The following CCDC62 variants were observed in gnomAD, a reference collection of about 807,000 sequenced individuals.
The protein encoded by CCDC62 is coiled-coil domain containing 62.
CCDC62 carries 72 observed loss-of-function variants against 80.8 expected under a neutral mutation model. That is an observed-to-expected ratio of 0.89 (90% CI 0.74 to 1.08). CCDC62 has a LOEUF of 1.08. Among genes scored for constraint, CCDC62 ranks in the 50% least tolerant of loss-of-function variants. The pLI is 0.00. For missense variants in CCDC62, 704 were observed against 809.4 expected (o/e 0.87, Z 1.58); for synonymous variants, 286 against 296.5 (o/e 0.96, Z 0.36).
At chr12:122,822,319 T>C (rs1267753108) in intron 11 of CCDC62, among the ~76,000 whole-genome samples, 1 of 151,906 alleles carries the variant, frequency 6.6e-6, no homozygotes, top group Admixed American at 6.6e-5. Context: ...TTGGCCAGGA[T>C]GGTCTCGAGC....
At chr12:122,798,574 G>A (rs898702236) in intron 8 of CCDC62, among the ~76,000 whole-genome samples, 1 of 152,136 alleles carries the variant, frequency 6.6e-6, no homozygotes, top group Non-Finnish European at 1.5e-5. Flanking sequence ...CTGCACTCCA[G>A]CCTGGTAACA....
intron 10 of CCDC62, 52 bp from the exon 11 acceptor site, chr12:122,813,218 C>A (rs550156986): frequency 6.6e-6 from 10 of 1,513,836 alleles, no homozygotes; most frequent in Non-Finnish European, 8.0e-6. Flanking sequence ...AGGTAGTTAG[C>A]ATTTGTGTTT....
At chr12:122,806,664 G>A (rs763081349) in intron 10 of CCDC62, among the ~76,000 whole-genome samples, 5 of 151,640 alleles carry the variant, frequency 3.3e-5, no homozygotes, top group Admixed American at 6.6e-5. Context: ...TTTTTTTGTA[G>A]AGACAGGGTC....
intron 8 of CCDC62, among the ~76,000 whole-genome samples, chr12:122,799,829 C>T (rs888537341): frequency 2.6e-5 from 4 of 152,168 alleles, no homozygotes; most frequent in African/African-American, 9.7e-5. Flanking sequence ...TGGCGTGTGG[C>T]TGGGGCCGCC....
chr12:122,790,706 C>T (rs1290460123), intron 5 of CCDC62, among the ~76,000 whole-genome samples: 1 of 152,052 alleles, frequency 6.6e-6, no homozygotes, highest in Non-Finnish European at 1.5e-5. Flanking sequence ...AATCTCCAGC[C>T]CTCCCTCCCC....
intron 11 of CCDC62, among the ~76,000 whole-genome samples, chr12:122,814,720 C>G (rs1486321182): frequency 2.6e-5 from 4 of 152,076 alleles, no homozygotes; most frequent in Non-Finnish European, 5.9e-5. Flanking sequence ...GTTGACCAGG[C>G]TGGTCTCGAA....
At chr12:122,815,641 C>G (rs1247650541) in intron 11 of CCDC62, among the ~76,000 whole-genome samples, 6 of 151,718 alleles carry the variant, frequency 4.0e-5, no homozygotes, top group South Asian at 2.1e-4. Flanking sequence ...TAGAGACGGG[C>G]TTTCACCGTG....
At chr12:122,784,357 C>T (rs1456111223) in intron 3 of CCDC62, among the ~76,000 whole-genome samples, 2 of 152,044 alleles carry the variant, frequency 1.3e-5, no homozygotes, top group Non-Finnish European at 2.9e-5. Flanking sequence ...CCCATCTCTA[C>T]TAAAAATACA....
intron 2 of CCDC62, among the ~76,000 whole-genome samples, chr12:122,778,857 C>T (rs775050742): frequency 6.6e-6 from 1 of 151,890 alleles, no homozygotes; most frequent in Non-Finnish European, 1.5e-5. Flanking sequence ...CCATCCTGGG[C>T]GACAGAGCGA....
chr12:122,804,481 G>A (rs1013795792), intron 9 of CCDC62, among the ~76,000 whole-genome samples: 2 of 151,658 alleles, frequency 1.3e-5, no homozygotes, highest in African/African-American at 2.4e-5. Context: ...AATGGGACTC[G>A]GTCTCAAAAA....
chr12:122,802,735 G>A (rs1365452042), intron 9 of CCDC62, among the ~76,000 whole-genome samples: 1 of 151,358 alleles, frequency 6.6e-6, no homozygotes, highest in East Asian at 2.0e-4. Flanking sequence ...TTAAAAAATT[G>A]TTTTTAAGTT....
intron 11 of CCDC62, among the ~76,000 whole-genome samples, chr12:122,818,198 A>G (rs1235032875): frequency 6.6e-6 from 1 of 152,034 alleles, no homozygotes; most frequent in Admixed American, 6.6e-5. Context: ...CACGCCTGTA[A>G]TCCCAGCACT....
At chr12:122,801,020 G>A (rs2031269163) in intron 8 of CCDC62, 104 bp from the exon 9 acceptor site, 17 of 1,228,188 alleles carry the variant, frequency 1.4e-5, no homozygotes, top group South Asian at 3.1e-5. Context: ...TCAGACAAAC[G>A]AGTCTCATTG....
At chr12:122,785,901 G>A (rs2030190079) in intron 4 of CCDC62, 81 bp downstream of exon 4, 30 of 932,854 alleles carry the variant, frequency 3.2e-5, no homozygotes, top group Non-Finnish European at 5.2e-5. Flanking sequence ...TAAGTCGCTA[G>A]GATCCCAGAA....
chr12:122,795,136 C>T (rs1038145857), intron 6 of CCDC62, among the ~76,000 whole-genome samples: 6 of 151,338 alleles, frequency 4.0e-5, no homozygotes, highest in South Asian at 4.2e-4. Flanking sequence ...CTTCAACTTC[C>T]GCCTCCTGGG....
chr12:122,781,303 TTCTTC>T lies in CCDC62; in HGVS notation c.378_382del (p.Leu127Ter), dbSNP rs1163618772. The T allele has an allele frequency of 6.2e-7, 1 of 1,614,042 alleles. No homozygotes were observed. Among genetic ancestry groups the T allele is most frequent in the East Asian group, 2.2e-5 (1 of 44,882 alleles). On this transcript the variant is annotated frameshift_variant, in exon 3 of 13. Coordinates refer to ENST00000253079, the MANE Select transcript of CCDC62 (RefSeq NM_201435.5). LOFTEE classifies it high-confidence loss of function. The stretch of plus-strand genomic sequence containing the variant: ...AGGAAATGGCTCAAAAGGCAACGCA[TTCTTC>T]TCTTCTCTCTGAAGACCTTGAGGTT...
chr12:122,822,574 ATTTTTTT>A (rs71085861), intron 11 of CCDC62, among the ~76,000 whole-genome samples: 1 of 117,780 alleles, frequency 8.5e-6, no homozygotes, highest in African/African-American at 3.6e-5. Flanking sequence ...TGAGTTCCAC[ATTTTTTT>A]TTTTTTTTTT....
chr12:122,825,711 C>A (rs1226624337), intron 12 of CCDC62, among the ~76,000 whole-genome samples: 1 of 149,592 alleles, frequency 6.7e-6, no homozygotes, highest in Non-Finnish European at 1.5e-5. Context: ...GGTAGCTGGG[C>A]GCGGTGGCTC....
intron 11 of CCDC62, 57 bp downstream of exon 11, chr12:122,813,476 A>G (rs574392866): frequency 1.3e-6 from 2 of 1,498,194 alleles, no homozygotes; most frequent in South Asian, 1.2e-5. Flanking sequence ...ACCACTGAAC[A>G]CCAGTGTGCA....
Sources: gnomAD v4.1 joint callset for allele counts (sites outside exome capture counted in the v4.1 genomes callset) on GRCh38, gnomAD v4.1.1 for gene constraint, MANE v1.5 for transcripts, NCBI Gene and HGNC (gene_info 2026-07-23, HGNC 2026-07-21) for gene names.